Variants in TRIM2 observed in about 807,000 individuals in gnomAD.
TRIM2 encodes the protein tripartite motif-containing protein 2.
In TRIM2, 20 loss-of-function variants were observed where a neutral mutation model predicts 75.2. That is an observed-to-expected ratio of 0.27 (90% CI 0.19 to 0.39). The LOEUF (loss-of-function observed/expected upper bound fraction) is 0.39, where lower values mean the gene tolerates loss of function less well. TRIM2 is among the 10% of genes least tolerant of loss of function. TRIM2 has a pLI of 1.00. For missense variants in TRIM2, 660 were observed against 990.8 expected, an observed-to-expected ratio of 0.67 and a Z score of 4.48; for synonymous variants, 373 against 388.3, an observed-to-expected ratio of 0.96 and a Z score of 0.46.
chr4:153,291,604 A>T (rs2150127833), intron 3 of TRIM2, among the ~76,000 whole-genome samples: 1 of 152,296 alleles, frequency 6.6e-6, no homozygotes, highest in East Asian at 1.9e-4. Context: ...GGGAATTGAA[A>T]ACTGGAAGAC....
intron 1 of TRIM2, among the ~76,000 whole-genome samples, chr4:153,236,626 A>G (rs1745098909): frequency 6.6e-6 from 1 of 151,256 alleles, no homozygotes; most frequent in South Asian, 2.1e-4. Flanking sequence ...TTGTTTTTTT[A>G]TGGCAAGTTG....
chr4:153,181,592 C>A (rs555909186), intron 1 of TRIM2, among the ~76,000 whole-genome samples: 1 of 152,324 alleles, frequency 6.6e-6, no homozygotes, highest in Non-Finnish European at 1.5e-5. Context: ...GGCGTTCAAC[C>A]TTCCCTCATG....
intron 1 of TRIM2, among the ~76,000 whole-genome samples, chr4:153,171,849 TTTTTTC>T (rs1321973909): frequency 1.4e-5 from 2 of 143,698 alleles, no homozygotes; most frequent in Non-Finnish European, 3.1e-5. Flanking sequence ...GCTTTTTTTT[TTTTTTC>T]GCTAATGTAT....
chr4:153,330,862 AG>A (rs1162414349), intron 11 of TRIM2, among the ~76,000 whole-genome samples: 1 of 152,178 alleles, frequency 6.6e-6, no homozygotes, highest in Non-Finnish European at 1.5e-5. Context: ...CCAGCACAAA[AG>A]GTAGAAAGGA....
At chr4:153,283,856 T>G (rs1414382611) in intron 3 of TRIM2, among the ~76,000 whole-genome samples, 1 of 139,854 alleles carries the variant, frequency 7.2e-6, no homozygotes, top group African/African-American at 2.8e-5. Flanking sequence ...CAGGATGGCC[T>G]TGATCTTTTT....
At chr4:153,310,101 T>A (rs184961903) in intron 6 of TRIM2, 47 of 152,306 alleles carry the variant, frequency 3.1e-4, no homozygotes, top group Middle Eastern at 3.4e-3. Context: ...TTGTGCTTCA[T>A]AGGCTAGACT....
intron 1 of TRIM2, among the ~76,000 whole-genome samples, chr4:153,216,390 T>A (rs1403614147): frequency 6.6e-6 from 1 of 152,226 alleles, no homozygotes; most frequent in Non-Finnish European, 1.5e-5. Context: ...GTGCTGACTC[T>A]ATGTTCAATC....
At chr4:153,182,205 G>A (rs895166116) in intron 1 of TRIM2, among the ~76,000 whole-genome samples, 1 of 152,152 alleles carries the variant, frequency 6.6e-6, no homozygotes, top group Non-Finnish European at 1.5e-5. Context: ...GGGTAAGAGC[G>A]CCAAGGAGGG....
intron 1 of TRIM2, among the ~76,000 whole-genome samples, chr4:153,160,289 C>T (rs1205898629): frequency 6.6e-6 from 1 of 152,172 alleles, no homozygotes; most frequent in Non-Finnish European, 1.5e-5. Context: ...ACTGCTTTTA[C>T]AAGCACAAAG....
intron 1 of TRIM2, among the ~76,000 whole-genome samples, chr4:153,162,880 G>A (rs991070670): frequency 6.6e-6 from 1 of 152,174 alleles, no homozygotes; most frequent in Admixed American, 6.5e-5. Context: ...GTGTCCAAGT[G>A]ATCAGTTACC....
chr4:153,310,306 T>G (rs746204020), intron 6 of TRIM2: 2 of 152,200 alleles, frequency 1.3e-5, no homozygotes, highest in Non-Finnish European at 2.9e-5. Flanking sequence ...ATATTTGTTA[T>G]GAAAGAACTA....
At chr4:153,222,380 G>C (rs1740835600) in intron 1 of TRIM2, 1 of 152,134 alleles carries the variant, frequency 6.6e-6, no homozygotes, top group East Asian at 1.9e-4. Context: ...AAGAGGATGC[G>C]TTTTCAGGAG....
chr4:153,322,980 C>T (rs954711175), intron 9 of TRIM2, among the ~76,000 whole-genome samples, 164 bp downstream of exon 9: 1 of 152,166 alleles, frequency 6.6e-6, no homozygotes, highest in African/African-American at 2.4e-5. Flanking sequence ...GTTGCTTGAG[C>T]CTTAGTCACC....
intron 1 of TRIM2, among the ~76,000 whole-genome samples, chr4:153,190,975 G>A (rs1036368421): frequency 1.3e-5 from 2 of 152,208 alleles, no homozygotes; most frequent in South Asian, 2.1e-4. Context: ...GACCCCAAGC[G>A]ATCCACCACC....
chr4:153,276,302 A>G (rs1273222379), intron 3 of TRIM2, 172 bp downstream of exon 3: 4 of 615,570 alleles, frequency 6.5e-6, no homozygotes, highest in Non-Finnish European at 1.1e-5. Flanking sequence ...TTTGACCAGA[A>G]CTATTTAAAT....
chr4:153,331,510 G>C (rs893815378), intron 11 of TRIM2, among the ~76,000 whole-genome samples: 9 of 152,130 alleles, frequency 5.9e-5, no homozygotes, highest in African/African-American at 2.2e-4. Flanking sequence ...GAAGTTCTAA[G>C]TAAATGGAGA....
chr4:153,163,497 T>A lies in TRIM2; in HGVS notation c.-49+10227T>A, dbSNP rs866230305. ...CTGCACCCAACCTAGATTTACATCT[T>A]TTTTTTTTTTTTTTTTTTTTTTGAG... is the stretch of plus-strand genomic sequence containing the variant. On this transcript the variant is annotated intron_variant, in intron 1 of 11. Coordinates refer to the TRIM2 transcript ENST00000437508. Among the ~76,000 whole-genome samples, 16 of 85,494 alleles carry A rather than the reference T, an allele frequency of 1.9e-4. 1 individual carries two copies. Among genetic ancestry groups the A allele is most frequent in the Admixed American group, 5.1e-4 (4 of 7,852 alleles). 56.1% of individuals were successfully genotyped at this position (85,494 alleles called of 152,430 possible). A position where few individuals can be genotyped will look rare whatever the true frequency, so the allele number is the denominator to read the frequency against.
chr4:153,235,613 T>G (rs1744827388), intron 1 of TRIM2, among the ~76,000 whole-genome samples: 1 of 152,124 alleles, frequency 6.6e-6, no homozygotes, highest in South Asian at 2.1e-4. Context: ...TGAATTCTTG[T>G]GTGTATAGAA....
At chr4:153,285,388 T>G (rs979178613) in intron 3 of TRIM2, among the ~76,000 whole-genome samples, 1 of 152,232 alleles carries the variant, frequency 6.6e-6, no homozygotes, top group Non-Finnish European at 1.5e-5. Flanking sequence ...AATTTTGTTC[T>G]TTTTCAAGAT....
Sources: allele counts gnomAD v4.1 joint callset (sites outside exome capture counted in the v4.1 genomes callset), GRCh38; gene constraint gnomAD v4.1.1; transcripts MANE v1.5; gene names NCBI Gene and HGNC (gene_info 2026-07-23, HGNC 2026-07-21).